DCTN2: variants seen among roughly 807,000 people sequenced by gnomAD.
DCTN2 encodes the protein dynactin subunit 2.
DCTN2 carries 18 observed loss-of-function variants against 55.4 expected under a neutral mutation model. The ratio of observed to expected loss-of-function variants is 0.32; its 90% CI spans 0.22 to 0.48. The LOEUF is 0.48. Ranked by LOEUF, DCTN2 falls within the 20% of genes least tolerant of loss-of-function variation. The pLI is 0.99. For missense variants in DCTN2, 390 were observed against 491.0 expected (o/e 0.79, Z 1.94); for synonymous variants, 168 against 185.2 (o/e 0.91, Z 0.76).
rs1331699352 is a variant in DCTN2 at position 57,546,011 on chromosome 12, G to A, written c.105+17C>T. On this transcript the variant is annotated intron_variant, in intron 2 of 13. Transcript: ENST00000548249. Reference sequence around the variant, plus strand: ...AGGTCAGAGTCCGGAGGAGTCTGTGGCAGCACACATTCTTACCGCATCGAA... The same window carrying A: ...AGGTCAGAGTCCGGAGGAGTCTGTGACAGCACACATTCTTACCGCATCGAA... The A allele has an allele frequency of 1.9e-6, 3 of 1,613,088 alleles. No homozygotes were observed. Among genetic ancestry groups the A allele is most frequent in the Non-Finnish European group, 2.5e-6 (3 of 1,179,352 alleles).
chr12:57,532,689 G>A (rs703837), intron 10 of DCTN2, 44 bp downstream of exon 10: 243,388 of 1,613,494 alleles, frequency 0.15, 19,703 homozygotes, highest in East Asian at 0.25. Flanking sequence ...AGGGCTTCCA[G>A]AGTCCCAAGC....
intron 2 of DCTN2, 64 bp downstream of exon 2, chr12:57,545,964 G>C (rs1362086460): frequency 1.2e-5 from 19 of 1,536,048 alleles, no homozygotes; most frequent in Non-Finnish European, 9.0e-7. Context: ...CCGAGAAAGG[G>C]AAGGACCTGT....
Position 57,530,053 on chromosome 12 carries a change from G to A in DCTN2, c.*636C>T, listed in dbSNP as rs1879489461. ...TTTTGTAAAGACAAGACCCTTGGGAGTTTTAATTCTGTTTTGTACTTGCCC... is the reference window on the plus strand; with the variant it reads ...TTTTGTAAAGACAAGACCCTTGGGAATTTTAATTCTGTTTTGTACTTGCCC... On this transcript the variant is annotated 3_prime_UTR_variant, in exon 14 of 14. Transcript: ENST00000548249. 6.6e-6 allele frequency: 1 copy of A among 152,618 alleles called. No individual in the cohort carries two copies. The highest frequency in any genetic ancestry group is 1.5e-5 in the Non-Finnish European group (1 of 68,060). The allele number at this position is 152,618 out of a possible 1,614,324, so 9.5% of individuals were successfully genotyped here.
At chr12:57,542,947 C>G (rs1260643010) in intron 2 of DCTN2, 3 of 455,918 alleles carry the variant, frequency 6.6e-6, no homozygotes, top group African/African-American at 6.0e-5. Flanking sequence ...ACTACTTACC[C>G]TTGAATCCTC....
chr12:57,536,250 C>G (rs1375296690), intron 2 of DCTN2, among the ~76,000 whole-genome samples: 3 of 152,230 alleles, frequency 2.0e-5, no homozygotes, highest in Non-Finnish European at 4.4e-5. Flanking sequence ...CATTTTAATG[C>G]TAACCTCCCA....
chr12:57,535,606 A>T, intron 3 of DCTN2, 61 bp from the exon 4 acceptor site: 1 of 1,583,726 alleles, frequency 6.3e-7, no homozygotes, highest in Non-Finnish European at 8.7e-7. Flanking sequence ...TCATGGTCTC[A>T]GGTGACTGTG....
chr12:57,535,296 A>G lies in DCTN2; in HGVS notation c.265-142T>C, dbSNP rs1010498975. 7.2e-6 allele frequency: 7 copies of G among 971,496 alleles called. No homozygotes were observed. In the Admixed American group the frequency reaches 7.4e-5, roughly 10 times the overall value. 60.2% of individuals were successfully genotyped at this position (971,496 alleles called of 1,614,324 possible). On this transcript the variant is annotated intron_variant, in intron 4 of 13. Transcript: ENST00000548249. Reference sequence around the variant, plus strand: ...ACCCTAGTACCAAAGAACTGAGGACAGCTAGAGGGCTGGAGGCTCTCCAGA... The same window carrying G: ...ACCCTAGTACCAAAGAACTGAGGACGGCTAGAGGGCTGGAGGCTCTCCAGA...
intron 2 of DCTN2, among the ~76,000 whole-genome samples, 176 bp downstream of exon 2, chr12:57,545,852 T>C (rs1179514377): frequency 6.6e-6 from 1 of 152,134 alleles, no homozygotes; most frequent in Non-Finnish European, 1.5e-5. Context: ...CCTCCTGCCA[T>C]TGCTCATTGG....
intron 13 of DCTN2, 44 bp from the exon 14 acceptor site, chr12:57,530,819 G>A: frequency 6.8e-7 from 1 of 1,470,922 alleles, no homozygotes; most frequent in Non-Finnish European, 9.5e-7. Context: ...AGGTCCAGTT[G>A]CTTAACTGGA....
rs756899121 is a variant in DCTN2 at position 57,533,280 on chromosome 12, C to G, written c.693G>C (p.Leu231=). 2.5e-6 allele frequency: 4 copies of G among 1,613,990 alleles called. No individual in the cohort carries two copies. In the South Asian group the frequency reaches 4.4e-5, roughly 18 times the overall value. The part of the protein sequence containing the change: ...AAKVAELEKR[L]TELETAVRCD... ...AACGTACAGCTGTCTCCAGCTCTGT[C>G]AGGCGCTTTTCAAGTTCTGCGACCT... Residue 231 remains leucine (L), a synonymous_variant, in exon 8 of 14, where the codon CTG becomes CTC. Transcript: ENST00000548249.
intron 11 of DCTN2, 37 bp downstream of exon 11, chr12:57,532,535 G>A (rs750338585): frequency 2.0e-5 from 32 of 1,602,756 alleles, no homozygotes; most frequent in Admixed American, 1.5e-4. Context: ...GAGAACCTGA[G>A]GGAGTGGAAA....
chr12:57,538,994 T>C (rs1005911677), intron 2 of DCTN2, among the ~76,000 whole-genome samples: 1 of 152,050 alleles, frequency 6.6e-6, no homozygotes, highest in African/African-American at 2.4e-5. Flanking sequence ...AGGAGAGGAG[T>C]TCCCCTTCTT....
rs374783640 is a variant in DCTN2, at chr12:57,530,712, G to A, written c.1183C>T (p.Arg395Trp). 81 of 1,613,744 alleles carry A rather than the reference G, an allele frequency of 5.0e-5. No individual in the cohort carries two copies. Among genetic ancestry groups the A allele is most frequent in the Non-Finnish European group, 6.4e-5 (75 of 1,179,816 alleles). ...VEGNFASIDERMKKLGK is the reference protein window; with the variant it reads ...VEGNFASIDEWMKKLGK ...GCTCACTTTCCCAGCTTCTTCATCC[G>A]TTCATCAATGCTGGCAAAGTTCCCC... Residue 395 changes from arginine to tryptophan, a missense_variant, in exon 14 of 14, where the codon CGG becomes TGG. By Grantham distance (101) the Arg-to-Trp change is moderately radical. This residue lies in a region of DCTN2 where 273 missense variants were observed against 303.2 expected (regional missense o/e 0.90). Coordinates refer to ENST00000548249, the MANE Select transcript of DCTN2 (RefSeq NM_001261413.2).
At chr12:57,535,329 G>T (rs1880140448) in intron 4 of DCTN2, 155 bp downstream of exon 4, 1 of 1,084,136 alleles carries the variant, frequency 9.2e-7, no homozygotes, top group Non-Finnish European at 1.4e-6. Context: ...AGAACAAACA[G>T]CAGTAGGGCA....
rs1322897633 is a variant in DCTN2 at position 57,546,098 on chromosome 12, T to G, written c.37-2A>C. On this transcript the variant is annotated splice_acceptor_variant, in intron 1 of 13. Transcript: ENST00000548249. LOFTEE classifies it high-confidence loss of function. ...ATAAACATCTGGCTCATTCCTGGCC[T>G]GCAGGTAGAAGCAGTGACCACCCAA... 1 of 1,613,936 alleles carries G rather than the reference T, an allele frequency of 6.2e-7. No homozygotes were observed.
intron 6 of DCTN2, 73 bp from the exon 7 acceptor site, chr12:57,534,170 C>T: frequency 6.5e-7 from 1 of 1,529,382 alleles, no homozygotes; most frequent in Non-Finnish European, 8.8e-7. Context: ...ACTTTTGCCT[C>T]ATAATCAGCA....
rs1879610507 is a variant in DCTN2, at chr12:57,530,768, G to T, written c.1127C>A (p.Thr376Lys). Residue 376 changes from threonine (T) to lysine (K), a missense_variant, in exon 14 of 14, where the codon ACA becomes AAA. Coordinates refer to ENST00000548249, the MANE Select transcript of DCTN2 (RefSeq NM_001261413.2). ...DNTTLLTQVQ[T>K]TMRENLATVE... is the part of the protein sequence containing the mutation. Reference sequence around the variant, plus strand: ...TGTGGCCAGGTTTTCACGCATGGTTGTCTGCACCTACAAAGTGGTAGAGAG... The same window carrying T: ...TGTGGCCAGGTTTTCACGCATGGTTTTCTGCACCTACAAAGTGGTAGAGAG... 6.2e-7 allele frequency: 1 copy of T among 1,613,558 alleles called. No homozygotes were observed. Among genetic ancestry groups the T allele is most frequent in the South Asian group, 1.1e-5 (1 of 91,082 alleles).
intron 2 of DCTN2, among the ~76,000 whole-genome samples, chr12:57,536,956 C>T (rs1880281556): frequency 6.6e-6 from 1 of 151,868 alleles, no homozygotes; most frequent in South Asian, 2.1e-4. Flanking sequence ...CAATGGTTCT[C>T]ACCCCAGGCT....
At chr12:57,532,440 C>G in intron 11 of DCTN2, 125 bp from the exon 12 acceptor site, 1 of 1,341,744 alleles carries the variant, frequency 7.5e-7, no homozygotes, top group Non-Finnish European at 1.1e-6. Flanking sequence ...CCCTGACTTT[C>G]CAAGCTGATA....
Sources: gnomAD v4.1 joint callset for allele counts (sites outside exome capture counted in the v4.1 genomes callset) on GRCh38, gnomAD v4.1.1 for gene constraint, gnomAD v4.1.1 regional missense constraint, MANE v1.5 for transcripts, NCBI Gene and HGNC (gene_info 2026-07-23, HGNC 2026-07-21) for gene names.